LARP4: variants seen among roughly 807,000 people sequenced by gnomAD.
The protein encoded by LARP4 is la-related protein 4.
LARP4 carries 29 observed loss-of-function variants against 92.9 expected under a neutral mutation model. The observed-to-expected ratio is 0.31, with a 90% CI of 0.23 to 0.43. The LOEUF is 0.43. Ranked by LOEUF, LARP4 falls within the 20% of genes least tolerant of loss-of-function variation. The pLI is 1.00. For missense variants in LARP4, 732 were observed against 860.0 expected, an observed-to-expected ratio of 0.85 and a Z score of 1.86; for synonymous variants, 279 against 284.1, an observed-to-expected ratio of 0.98 and a Z score of 0.18.
At chr12:50,411,459 C>T (rs1023628024) in intron 1 of LARP4, among the ~76,000 whole-genome samples, 11 of 151,894 alleles carry the variant, frequency 7.2e-5, no homozygotes, top group African/African-American at 2.2e-4. Flanking sequence ...AAGTGATTTT[C>T]ATGCCTCCCG....
At chr12:50,441,219 G>T (rs1951158624) in intron 7 of LARP4, 1 of 172,858 alleles carries the variant, frequency 5.8e-6, no homozygotes, top group South Asian at 1.5e-4. Context: ...GTCTTAAAGA[G>T]AAATAATCCT....
chr12:50,425,689 G>C (rs765876416), intron 1 of LARP4, among the ~76,000 whole-genome samples: 3 of 152,238 alleles, frequency 2.0e-5, no homozygotes, highest in South Asian at 2.1e-4. Context: ...CTGGGTCTTA[G>C]TGAGGTGGAC....
rs74623055 is a variant in LARP4, at chr12:50,454,338, G to A, written c.1042G>A (p.Val348Met). ...PLAPFPNGSF[V>M]NGFNSPGSYK... ...GGCTCCCTTTCCCAATGGTAGTTTTGTGAATGGCTTTAATTCGCCAGGATC... is the reference window on the plus strand; with the variant it reads ...GGCTCCCTTTCCCAATGGTAGTTTTATGAATGGCTTTAATTCGCCAGGATC... The change falls in exon 10 of 16, where the codon GTG (valine) becomes ATG (methionine). Residue 348 changes from valine to methionine, a missense_variant. Physicochemically the swap from Val to Met is conservative, Grantham distance 21. This residue lies in a region of LARP4 where 264 missense variants were observed against 269.5 expected (regional missense o/e 0.98). Transcript: ENST00000398473. 132 of 1,612,780 alleles carry A rather than the reference G, an allele frequency of 8.2e-5. No homozygotes were observed. Among genetic ancestry groups the A allele is most frequent in the Non-Finnish European group, 1.1e-4 (127 of 1,179,652 alleles).
intron 5 of LARP4, 101 bp downstream of exon 5, chr12:50,435,725 A>T: frequency 2.5e-6 from 2 of 794,508 alleles, no homozygotes; most frequent in South Asian, 2.0e-5. Context: ...CCCCCTCCCC[A>T]CACCCTTATT....
At chr12:50,456,762 G>A (rs981041590) in intron 10 of LARP4, among the ~76,000 whole-genome samples, 1 of 152,028 alleles carries the variant, frequency 6.6e-6, no homozygotes, top group African/African-American at 2.4e-5. Context: ...TCAGTGAAGG[G>A]TAAGATTATG....
At position 50,432,860 on chromosome 12, in the gene LARP4, CAAAAAAA is replaced by C. The variant is rs10660517; in HGVS notation, c.398+2301_398+2307del. ...GGGGAATAAGAGCGAGACTTCGTTTCAAAAAAAAAAAAAAAAAGAAAAGCTGGCAGTG... is the reference window on the plus strand; with the variant it reads ...GGGGAATAAGAGCGAGACTTCGTTTCAAAAAAAAAAGAAAAGCTGGCAGTG... On this transcript the variant is annotated intron_variant, in intron 4 of 15. Transcript: ENST00000398473. Among the ~76,000 whole-genome samples, 188 of 124,416 alleles carry C rather than the reference CAAAAAAA, an allele frequency of 1.5e-3. 1 individual carries two copies. The highest frequency in any genetic ancestry group is 5.5e-3 in the African/African-American group (177 of 31,980). The allele number at this position is 124,416 out of a possible 152,430, so 81.6% of individuals were successfully genotyped here.
chr12:50,446,673 C>T (rs909660730), intron 8 of LARP4, among the ~76,000 whole-genome samples: 7 of 150,900 alleles, frequency 4.6e-5, no homozygotes, highest in South Asian at 2.1e-4. Flanking sequence ...GTGATCCGCC[C>T]GCCTCAGCCC....
intron 1 of LARP4, among the ~76,000 whole-genome samples, chr12:50,413,976 A>G (rs1040184841): frequency 6.6e-5 from 10 of 152,172 alleles, no homozygotes; most frequent in Non-Finnish European, 1.2e-4. Context: ...TTGTACTTAC[A>G]TGTTTTTATA....
Position 50,401,015 on chromosome 12 carries a change from T to G in LARP4, c.5T>G (p.Leu2Trp). 1.2e-6 allele frequency: 2 copies of G among 1,614,122 alleles called. No individual in the cohort carries two copies. The highest frequency in any genetic ancestry group is 1.7e-6 in the Non-Finnish European group (2 of 1,180,016). Residue 2 changes from leucine to tryptophan, a missense_variant, in exon 1 of 16, where the codon TTG becomes TGG. Physicochemically the swap from Leu to Trp is moderately conservative, Grantham distance 61. Coordinates refer to ENST00000398473, the MANE Select transcript of LARP4 (RefSeq NM_052879.5). ...TTGGGCTGAGCAGAGGACGACATGT[T>G]GCTTTTCGTGGAGGTGAGTGCATTA... M[L>W]LFVEQVASKG...
At chr12:50,456,916 A>G (rs1403420319) in intron 10 of LARP4, among the ~76,000 whole-genome samples, 3 of 68,148 alleles carry the variant, frequency 4.4e-5, no homozygotes, top group African/African-American at 7.9e-5. Flanking sequence ...AACAGGTAAT[A>G]TAAATTTTTT....
chr12:50,441,485 A>G (rs1045772076), intron 7 of LARP4, 105 bp from the exon 8 acceptor site: 5 of 745,398 alleles, frequency 6.7e-6, no homozygotes, highest in African/African-American at 3.6e-5. Flanking sequence ...AATCACCTAC[A>G]TAATTTTGTT....
chr12:50,475,501 GTTTT>G (rs534027226), intron 15 of LARP4, 21 bp from the exon 16 acceptor site: 1 of 1,500,486 alleles, frequency 6.7e-7, no homozygotes, highest in East Asian at 2.3e-5. Flanking sequence ...TACCATAAAT[GTTTT>G]TTTTTATCAT....
chr12:50,460,855 A>G (rs539049594), intron 10 of LARP4, among the ~76,000 whole-genome samples: 1 of 152,274 alleles, frequency 6.6e-6, no homozygotes, highest in East Asian at 1.9e-4. Flanking sequence ...AGGCAGGAGA[A>G]TGGCGTGAAC....
intron 12 of LARP4, among the ~76,000 whole-genome samples, chr12:50,463,452 G>A (rs929523038): frequency 8.0e-4 from 106 of 133,042 alleles, no homozygotes; most frequent in Non-Finnish European, 1.1e-3. Flanking sequence ...AAAAAAATTA[G>A]CCAGGCACCA....
At position 50,433,640 on chromosome 12, in the gene LARP4, C is replaced by CT. The variant is rs111833032; in HGVS notation, c.399-1832dup. ...TTATTTTCAGATTCTTAAGGAATATCTTTTTTTTTTTTTTTTGAGATGGAG... is the reference window on the plus strand; with the variant it reads ...TTATTTTCAGATTCTTAAGGAATATCTTTTTTTTTTTTTTTTTGAGATGGAG... On this transcript the variant is annotated intron_variant, in intron 4 of 15. Coordinates refer to ENST00000398473, the MANE Select transcript of LARP4 (RefSeq NM_052879.5). Among the ~76,000 whole-genome samples the CT allele has an allele frequency of 5.0e-3, 688 of 137,942 alleles. 5 individuals carry two copies. The highest frequency in any genetic ancestry group is 0.012 in the African/African-American group (468 of 37,720). 90.5% of individuals were successfully genotyped at this position (137,942 alleles called of 152,430 possible). A position where few individuals can be genotyped will look rare whatever the true frequency, so the allele number is the denominator to read the frequency against.
chr12:50,465,357 G>A (rs1360605799), intron 12 of LARP4, among the ~76,000 whole-genome samples: 1 of 132,348 alleles, frequency 7.6e-6, no homozygotes, highest in Non-Finnish European at 1.6e-5. Flanking sequence ...GGGCGACAGA[G>A]CCAGACTCTG....
chr12:50,443,434 C>T (rs1045414841), intron 8 of LARP4, among the ~76,000 whole-genome samples: 2 of 151,898 alleles, frequency 1.3e-5, no homozygotes, highest in Non-Finnish European at 2.9e-5. Flanking sequence ...TCATGCCTGG[C>T]TAATTTTTAA....
At chr12:50,433,640 CT>C (rs111833032) in intron 4 of LARP4, among the ~76,000 whole-genome samples, 14,050 of 137,780 alleles carry the variant, frequency 0.1, 1,170 homozygotes, top group East Asian at 0.42. Context: ...TAAGGAATAT[CT>C]TTTTTTTTTT....
intron 1 of LARP4, among the ~76,000 whole-genome samples, chr12:50,415,356 A>G (rs183329034): frequency 1.1e-3 from 161 of 152,328 alleles, no homozygotes; most frequent in African/African-American, 3.7e-3. Context: ...ACCATTAATT[A>G]TCAGGGACAC....
Sources: allele counts gnomAD v4.1 joint callset (sites outside exome capture counted in the v4.1 genomes callset), GRCh38; gene constraint gnomAD v4.1.1; regional missense constraint gnomAD v4.1.1; transcripts MANE v1.5; gene names NCBI Gene and HGNC (gene_info 2026-07-23, HGNC 2026-07-21).